Variants in SESN1 observed in about 807,000 individuals in gnomAD.
The protein encoded by SESN1 is sestrin 1, also known as sestrin-1.
Under a neutral mutation model 59.3 loss-of-function variants are expected in SESN1, and 30 were observed. The observed-to-expected ratio is 0.51, with a 90% confidence interval of 0.38 to 0.69. The LOEUF (loss-of-function observed/expected upper bound fraction) is 0.69. SESN1 is among the 30% of genes least tolerant of loss of function. The probability of loss-of-function intolerance (pLI) is 0.00; values close to 1 mark genes in which losing one functional copy is unlikely to be tolerated. For synonymous variants in SESN1, 197 were observed against 219.9 expected (o/e 0.90, Z 0.92); for missense variants, 566 against 673.0 (o/e 0.84, Z 1.76).
chr6:109,012,832 A>G (rs905346278), intron 1 of SESN1, among the ~76,000 whole-genome samples: 3 of 152,034 alleles, frequency 2.0e-5, no homozygotes, highest in Admixed American at 2.0e-4. Context: ...GATAAGCAGT[A>G]GGCCGGGCGT....
intron 1 of SESN1, among the ~76,000 whole-genome samples, chr6:109,040,731 C>T (rs1197142694): frequency 1.3e-5 from 2 of 151,404 alleles, no homozygotes; most frequent in Non-Finnish European, 2.9e-5. Flanking sequence ...CATCTCACTG[C>T]AAGCTCTGCC....
intron 1 of SESN1, among the ~76,000 whole-genome samples, chr6:109,058,781 TCAAA>T (rs1407804163): frequency 2.6e-5 from 4 of 152,130 alleles, no homozygotes; most frequent in African/African-American, 7.2e-5. Flanking sequence ...ACCAAAATCA[TCAAA>T]CAATCTAGGC....
At chr6:109,091,266 A>G (rs1298008753) in intron 1 of SESN1, among the ~76,000 whole-genome samples, 3 of 152,182 alleles carry the variant, frequency 2.0e-5, no homozygotes, top group East Asian at 1.9e-4. Context: ...ACGGGTTTGT[A>G]GCCTAGAAAC....
intron 1 of SESN1, among the ~76,000 whole-genome samples, chr6:109,080,402 T>A (rs113643559): frequency 3.9e-5 from 6 of 152,326 alleles, no homozygotes; most frequent in African/African-American, 1.4e-4. Flanking sequence ...ATAAGCCTTT[T>A]ATACACCATA....
chr6:109,009,467 GC>G, intron 1 of SESN1: 1 of 1,274,814 alleles, frequency 7.8e-7, no homozygotes, highest in East Asian at 3.2e-5. Flanking sequence ...GCATGTCGGC[GC>G]GGGGACGGCT....
chr6:109,075,040 G>A (rs957504420), intron 1 of SESN1, among the ~76,000 whole-genome samples: 1 of 152,178 alleles, frequency 6.6e-6, no homozygotes, highest in Non-Finnish European at 1.5e-5. Flanking sequence ...CACTGGGGTA[G>A]AGCATCTATT....
intron 8 of SESN1, 76 bp downstream of exon 8, chr6:108,990,569 G>T: frequency 7.8e-7 from 1 of 1,283,676 alleles, no homozygotes; most frequent in Non-Finnish European, 1.1e-6. Context: ...GTGTCTATGT[G>T]CATGTGCGCT....
chr6:109,071,353 CTTTT>C (rs78641650), intron 1 of SESN1, among the ~76,000 whole-genome samples: 3 of 136,628 alleles, frequency 2.2e-5, no homozygotes, highest in Admixed American at 7.3e-5. Context: ...GTTTTTGTTT[CTTTT>C]TTTTTTTTTT....
At position 109,061,964 on chromosome 6, in the gene SESN1, G is replaced by A. The variant is rs566065800; in HGVS notation, c.279+31831C>T. On this transcript the variant is annotated intron_variant, in intron 1 of 9. Coordinates refer to ENST00000436639, the MANE Select transcript of SESN1 (RefSeq NM_014454.3). ...AAATTAATCCAAGAATTATCTAAAC[G>A]TGATAAAAGATGGTGCTCTGAGGAA... Among the ~76,000 whole-genome samples the A allele has an allele frequency of 4.6e-5, 7 of 152,276 alleles. No individual in the cohort carries two copies. In the South Asian group the frequency reaches 6.2e-4, roughly 14 times the overall value.
At chr6:109,066,102 T>G (rs958948162) in intron 1 of SESN1, among the ~76,000 whole-genome samples, 1 of 152,168 alleles carries the variant, frequency 6.6e-6, no homozygotes, top group Non-Finnish European at 1.5e-5. Context: ...TATTTCCAAC[T>G]AATACATATA....
chr6:109,032,283 C>CA (rs1289111811), intron 1 of SESN1, among the ~76,000 whole-genome samples: 20 of 151,676 alleles, frequency 1.3e-4, no homozygotes, highest in Admixed American at 7.2e-4. Flanking sequence ...AAAAAAGTCT[C>CA]AGAGTTTGGA....
intron 1 of SESN1, among the ~76,000 whole-genome samples, chr6:109,021,253 G>A (rs1394688809): frequency 2.6e-5 from 4 of 152,138 alleles, no homozygotes; most frequent in Non-Finnish European, 4.4e-5. Flanking sequence ...AAAGTGTTGG[G>A]ATTACAGGTG....
At chr6:109,080,144 A>G (rs1257472091) in intron 1 of SESN1, among the ~76,000 whole-genome samples, 1 of 152,082 alleles carries the variant, frequency 6.6e-6, no homozygotes, top group African/African-American at 2.4e-5. Context: ...TTTCCACTAG[A>G]GTTACTTGTG....
At chr6:109,084,834 T>G (rs1330360718) in intron 1 of SESN1, among the ~76,000 whole-genome samples, 2 of 152,150 alleles carry the variant, frequency 1.3e-5, no homozygotes, top group Non-Finnish European at 2.9e-5. Context: ...GTTGCCAAAT[T>G]TAACATGAAT....
intron 1 of SESN1, among the ~76,000 whole-genome samples, chr6:109,030,309 T>C (rs1780163055): frequency 6.6e-6 from 1 of 152,172 alleles, no homozygotes; most frequent in South Asian, 2.1e-4. Context: ...ATCAAATAAA[T>C]TTCTTAGGAC....
rs769748079 is a variant in SESN1 at position 108,988,678 on chromosome 6, A to G, written c.1434T>C (p.Asp478=). ...GCTGGTTAATTTCACCATAGTCATA[A>G]TCATCATATCTGTTGAAAGACATAA... The part of the protein sequence containing the change: ...IHCMFGIRYD[D]YDYGEINQLL... The change falls in exon 9 of 10, where the codon GAT becomes GAC. Residue 478 remains aspartate (D), a synonymous_variant. Transcript: ENST00000436639. The G allele has an allele frequency of 2.2e-5, 35 of 1,603,658 alleles. No homozygotes were observed. In the South Asian group the frequency reaches 3.7e-4, roughly 17 times the overall value.
At chr6:109,055,151 C>A (rs1052420990) in intron 1 of SESN1, among the ~76,000 whole-genome samples, 1 of 152,152 alleles carries the variant, frequency 6.6e-6, no homozygotes, top group African/African-American at 2.4e-5. Flanking sequence ...AGACAGAATC[C>A]TCTTTTAACC....
intron 6 of SESN1, among the ~76,000 whole-genome samples, chr6:108,993,940 G>GT (rs1452108680): frequency 6.6e-6 from 1 of 151,758 alleles, no homozygotes; most frequent in Non-Finnish European, 1.5e-5. Context: ...TTAAGGAAGA[G>GT]AAGCGTGGGC....
chr6:108,993,570 C>A (rs558087989), intron 6 of SESN1, among the ~76,000 whole-genome samples: 83 of 152,140 alleles, frequency 5.5e-4, no homozygotes, highest in South Asian at 1.9e-3. Flanking sequence ...GCTCTTTCTC[C>A]CACTCTATTA....
Sources: allele counts gnomAD v4.1 joint callset (sites outside exome capture counted in the v4.1 genomes callset), GRCh38; gene constraint gnomAD v4.1.1; transcripts MANE v1.5; gene names NCBI Gene and HGNC (gene_info 2026-07-23, HGNC 2026-07-21).